Variants in MAMLD1 observed in about 807,000 individuals in gnomAD.
MAMLD1 encodes mastermind-like domain-containing protein 1.
MAMLD1 carries 14 observed loss-of-function variants against 45.0 expected under a neutral mutation model. That is an observed-to-expected ratio of 0.31 (90% CI 0.21 to 0.49). The LOEUF (loss-of-function observed/expected upper bound fraction) is 0.49. Among genes scored for constraint, MAMLD1 ranks in the 20% least tolerant of loss-of-function variants. The probability of loss-of-function intolerance (pLI) is 0.99; values close to 1 mark genes in which losing one functional copy is unlikely to be tolerated. For missense variants in MAMLD1, 543 were observed against 603.6 expected (o/e 0.90, Z 1.05); for synonymous variants, 254 against 247.8 (o/e 1.02, Z -0.24).
intron 1 of MAMLD1, among the ~76,000 whole-genome samples, chrX:150,405,938 C>T (rs782081468): frequency 9.0e-5 from 10 of 111,160 alleles, no homozygotes; most frequent in South Asian, 3.9e-4. Context: ...CCCTCCCCAG[C>T]GTGGCCATTT....
At chrX:150,475,038 T>C (rs1557406795) in intron 5 of MAMLD1, among the ~76,000 whole-genome samples, 1 of 112,000 alleles carries the variant, frequency 8.9e-6, no homozygotes, top group African/African-American at 3.3e-5. Context: ...ATTTCCCACT[T>C]CCAGCAGGCT....
At chrX:150,507,622 G>A (rs943767973) in intron 6 of MAMLD1, among the ~76,000 whole-genome samples, 3 of 112,405 alleles carry the variant, frequency 2.7e-5, no homozygotes, top group Non-Finnish European at 5.6e-5. Flanking sequence ...GGTGTCAGCA[G>A]CGCTGTGTGG....
chrX:150,430,987 T>G (rs973688365), intron 1 of MAMLD1, among the ~76,000 whole-genome samples: 1 of 112,551 alleles, frequency 8.9e-6, no homozygotes, highest in African/African-American at 3.2e-5. Context: ...AAATCTTACT[T>G]GAATTTTGAT....
intron 1 of MAMLD1, among the ~76,000 whole-genome samples, chrX:150,401,816 G>A (rs1412566830): frequency 1.8e-5 from 2 of 110,934 alleles, no homozygotes; most frequent in Non-Finnish European, 3.8e-5. Context: ...AACAAGCAAT[G>A]GGGAAAGGAT....
intron 7 of MAMLD1, among the ~76,000 whole-genome samples, chrX:150,510,624 G>A (rs1446032484): frequency 8.9e-6 from 1 of 112,404 alleles, no homozygotes; most frequent in African/African-American, 3.2e-5. Context: ...CAAAATGCCT[G>A]ATGTAGTTCC....
intron 5 of MAMLD1, among the ~76,000 whole-genome samples, chrX:150,482,398 G>A (rs1341870224): frequency 1.8e-5 from 2 of 112,319 alleles, no homozygotes; most frequent in Admixed American, 9.4e-5. Context: ...TGGGGACAGA[G>A]TTTCAGTACA....
At chrX:150,436,032 G>A (rs781968936) in intron 1 of MAMLD1, among the ~76,000 whole-genome samples, 1 of 111,888 alleles carries the variant, frequency 8.9e-6, no homozygotes, top group South Asian at 3.7e-4. Flanking sequence ...TAAGAATGCT[G>A]AATATAGGCC....
At chrX:150,364,200 C>T (rs1557400609) in intron 1 of MAMLD1, among the ~76,000 whole-genome samples, 1 of 112,769 alleles carries the variant, frequency 8.9e-6, no homozygotes, top group African/African-American at 3.2e-5. Flanking sequence ...CCAGCATCCG[C>T]GCGACGACAG....
intron 5 of MAMLD1, among the ~76,000 whole-genome samples, chrX:150,479,317 T>G (rs2148316113): frequency 8.9e-6 from 1 of 111,873 alleles, no homozygotes; most frequent in African/African-American, 3.3e-5. Flanking sequence ...ACCCCAAAAC[T>G]TACGGGGATG....
At chrX:150,480,117 G>A (rs1569564943) in intron 5 of MAMLD1, among the ~76,000 whole-genome samples, 1 of 111,716 alleles carries the variant, frequency 9.0e-6, no homozygotes, top group Non-Finnish European at 1.9e-5. Context: ...CCCATATCGT[G>A]GATTTATGGA....
chrX:150,381,710 A>G (rs1421052157), intron 1 of MAMLD1, among the ~76,000 whole-genome samples: 2 of 112,267 alleles, frequency 1.8e-5, no homozygotes, highest in East Asian at 2.8e-4. Flanking sequence ...GGAGTAGTCC[A>G]TTCTCACAGG....
chrX:150,386,202 T>C (rs960877308), intron 1 of MAMLD1, among the ~76,000 whole-genome samples: 5 of 111,803 alleles, frequency 4.5e-5, no homozygotes, highest in Admixed American at 3.8e-4. Context: ...CACAGTTGCT[T>C]TTTCCAGCAG....
intron 5 of MAMLD1, among the ~76,000 whole-genome samples, chrX:150,495,433 T>C (rs1417258528): frequency 3.6e-5 from 4 of 112,133 alleles, no homozygotes; most frequent in African/African-American, 1.3e-4. Context: ...GTATTGGATA[T>C]GCAGAAGAAA....
At chrX:150,425,663 C>T (rs1005026396) in intron 1 of MAMLD1, among the ~76,000 whole-genome samples, 5 of 111,415 alleles carry the variant, frequency 4.5e-5, no homozygotes, top group Admixed American at 1.9e-4. Context: ...AGATCATTCC[C>T]GAGACCTTAC....
chrX:150,371,549 G>C (rs908389609), intron 1 of MAMLD1, among the ~76,000 whole-genome samples: 8 of 111,828 alleles, frequency 7.2e-5, no homozygotes, highest in Non-Finnish European at 1.3e-4. Flanking sequence ...ACCTGTGAGA[G>C]GAAAGTGTGG....
At chrX:150,435,646 A>G (rs2035101179) in intron 1 of MAMLD1, among the ~76,000 whole-genome samples, 1 of 112,922 alleles carries the variant, frequency 8.9e-6, no homozygotes, top group Non-Finnish European at 1.9e-5. Flanking sequence ...ACAGCATACC[A>G]TTGGGTCTCA....
intron 1 of MAMLD1, among the ~76,000 whole-genome samples, chrX:150,392,273 A>T (rs782387743): frequency 2.7e-5 from 3 of 111,797 alleles, no homozygotes; most frequent in Non-Finnish European, 5.7e-5. Context: ...TCAGCTCCCC[A>T]CTAGTCTTTG....
At chrX:150,403,289 A>G (rs2076023675) in intron 1 of MAMLD1, among the ~76,000 whole-genome samples, 1 of 111,359 alleles carries the variant, frequency 9.0e-6, no homozygotes, top group African/African-American at 3.3e-5. Flanking sequence ...AGTAGTTGCC[A>G]GGGACTGAGG....
chrX:150,477,713 G>A (rs1270015471), intron 5 of MAMLD1, among the ~76,000 whole-genome samples: 1 of 111,650 alleles, frequency 9.0e-6, no homozygotes, highest in Non-Finnish European at 1.9e-5. Flanking sequence ...AATAACAAAT[G>A]CAACCACAGG....
Sources: allele counts gnomAD v4.1 joint callset (sites outside exome capture counted in the v4.1 genomes callset), GRCh38; gene constraint gnomAD v4.1.1; transcripts MANE v1.5; gene names NCBI Gene and HGNC (gene_info 2026-07-23, HGNC 2026-07-21).